LRRC4C: variants seen among roughly 807,000 people sequenced by gnomAD.
LRRC4C encodes leucine-rich repeat-containing protein 4C.
LRRC4C carries 5 observed loss-of-function variants against 33.6 expected under a neutral mutation model. That is an observed-to-expected ratio of 0.15 (90% CI 0.08 to 0.31). The LOEUF is 0.31. Ranked by LOEUF, LRRC4C falls within the 10% of genes least tolerant of loss-of-function variation. LRRC4C has a pLI of 1.00. For synonymous variants in LRRC4C, 329 were observed against 302.0 expected (o/e 1.09, Z -0.93); for missense variants, 560 against 796.7 (o/e 0.70, Z 3.58).
chr11:40,783,014 TACA>T (rs1950275163), intron 2 of LRRC4C, among the ~76,000 whole-genome samples: 1 of 152,152 alleles, frequency 6.6e-6, no homozygotes, highest in African/African-American at 2.4e-5. Context: ...TAGACATAAA[TACA>T]ACAATTTTGT....
chr11:41,070,867 A>G (rs1264853353), intron 1 of LRRC4C, among the ~76,000 whole-genome samples: 1 of 152,216 alleles, frequency 6.6e-6, no homozygotes, highest in Non-Finnish European at 1.5e-5. Context: ...ATCTAGAACC[A>G]GAAATACCAT....
At chr11:41,349,311 T>A (rs191296112) in intron 1 of LRRC4C, among the ~76,000 whole-genome samples, 8 of 152,312 alleles carry the variant, frequency 5.3e-5, no homozygotes, top group African/African-American at 1.9e-4. Flanking sequence ...CCAGCCACTT[T>A]GCTGGTGCAC....
chr11:40,606,078 A>T (rs1381283312), intron 3 of LRRC4C, among the ~76,000 whole-genome samples: 1 of 152,136 alleles, frequency 6.6e-6, no homozygotes, highest in African/African-American at 2.4e-5. Flanking sequence ...TCTCTCCCTC[A>T]TGGGGGTAAG....
At chr11:40,653,743 A>G (rs1454594047) in intron 2 of LRRC4C, among the ~76,000 whole-genome samples, 1 of 152,236 alleles carries the variant, frequency 6.6e-6, no homozygotes, top group East Asian at 1.9e-4. Flanking sequence ...ATAAGTAATG[A>G]GGAGCCAAAT....
intron 3 of LRRC4C, among the ~76,000 whole-genome samples, chr11:40,467,962 G>A (rs778320830): frequency 8.5e-5 from 13 of 152,140 alleles, no homozygotes; most frequent in Non-Finnish European, 1.5e-4. Context: ...GACCAGAAAT[G>A]ACAAGGCTGT....
intron 1 of LRRC4C, among the ~76,000 whole-genome samples, chr11:41,292,160 C>T (rs1338215573): frequency 2.6e-5 from 4 of 152,122 alleles, no homozygotes; most frequent in African/African-American, 9.7e-5. Context: ...TAGGTATCTC[C>T]ACCTCACTGA....
chr11:40,281,060 G>A (rs187471770), intron 4 of LRRC4C, among the ~76,000 whole-genome samples: 4 of 152,182 alleles, frequency 2.6e-5, no homozygotes, highest in South Asian at 2.1e-4. Flanking sequence ...AGGGATGGAT[G>A]CAGAGAGGGT....
rs368494858 is a variant in LRRC4C at position 41,097,049 on chromosome 11, A to G, written c.-495-163326T>C. On this transcript the variant is annotated intron_variant, in intron 1 of 6. Transcript: ENST00000528697. ...CTCAAGTTCCTACCCACTGAAGCAT[A>G]TTGCTTCTTTTTCCTAAGAGATGGG... Among the ~76,000 whole-genome samples the G allele has an allele frequency of 3.9e-5, 6 of 152,256 alleles. No individual in the cohort carries two copies. The South Asian group carries it at 1.2e-3, about 32-fold the overall frequency.
At chr11:40,358,960 C>T (rs76438712) in intron 3 of LRRC4C, among the ~76,000 whole-genome samples, 3,954 of 152,106 alleles carry the variant, frequency 0.026, 164 homozygotes, top group African/African-American at 0.089. Context: ...TCTTCCCAAA[C>T]AATCATAAAT....
chr11:41,035,204 C>CATAA (rs559701849), intron 1 of LRRC4C, among the ~76,000 whole-genome samples: 3,327 of 150,306 alleles, frequency 0.022, 91 homozygotes, highest in African/African-American at 0.059. Context: ...TAAATAAATA[C>CATAA]ATAAATAAAT....
intron 2 of LRRC4C, among the ~76,000 whole-genome samples, chr11:40,761,381 G>A (rs1260892515): frequency 2.6e-5 from 4 of 152,148 alleles, no homozygotes; most frequent in Non-Finnish European, 1.5e-5. Context: ...CTTGTTATGA[G>A]CTGTTTCACC....
rs577899492 is a variant in LRRC4C, at chr11:40,909,518, T to C, written c.-407+24117A>G. Among the ~76,000 whole-genome samples the C allele has an allele frequency of 1.2e-4, 19 of 152,258 alleles. No homozygotes were observed. In the South Asian group the frequency reaches 3.5e-3, roughly 28 times the overall value. ...ATGAAAATTTTCTAATGACAGTGTA[T>C]ACATTTAGGGTGGTATATTCACAGA... On this transcript the variant is annotated intron_variant, in intron 2 of 6. Transcript: ENST00000528697.
chr11:40,457,239 A>G (rs111789054), intron 3 of LRRC4C, among the ~76,000 whole-genome samples: 2 of 152,064 alleles, frequency 1.3e-5, no homozygotes, highest in African/African-American at 2.4e-5. Flanking sequence ...TTATAAAAAA[A>G]TTTAAAAATT....
intron 1 of LRRC4C, among the ~76,000 whole-genome samples, chr11:41,129,429 CATT>C (rs1397325776): frequency 6.6e-6 from 1 of 151,892 alleles, no homozygotes; most frequent in Non-Finnish European, 1.5e-5. Context: ...AATTTCTCTA[CATT>C]ATTTTAGAAA....
At chr11:41,166,989 C>A (rs529111639) in intron 1 of LRRC4C, among the ~76,000 whole-genome samples, 18 of 152,228 alleles carry the variant, frequency 1.2e-4, no homozygotes, top group African/African-American at 4.3e-4. Flanking sequence ...TGCTTATTGG[C>A]ATTAAATACT....
intron 1 of LRRC4C, among the ~76,000 whole-genome samples, chr11:40,960,113 A>G (rs1850873280): frequency 6.6e-6 from 1 of 151,446 alleles, no homozygotes. Context: ...AAGAGGGAAG[A>G]AAGAAAAAAG....
At chr11:40,784,995 C>T (rs781612917) in intron 2 of LRRC4C, among the ~76,000 whole-genome samples, 1 of 152,110 alleles carries the variant, frequency 6.6e-6, no homozygotes, top group Non-Finnish European at 1.5e-5. Flanking sequence ...AGAAAGAGAA[C>T]ATTTTAAAAA....
intron 1 of LRRC4C, among the ~76,000 whole-genome samples, chr11:41,022,579 G>GAA (rs200125249): frequency 6.6e-6 from 1 of 150,892 alleles, no homozygotes; most frequent in Non-Finnish European, 1.5e-5. Flanking sequence ...GTACCAGGAA[G>GAA]AAAAAAAAAT....
intron 1 of LRRC4C, among the ~76,000 whole-genome samples, chr11:41,353,474 A>T (rs1565606105): frequency 6.6e-6 from 1 of 152,152 alleles, no homozygotes; most frequent in Non-Finnish European, 1.5e-5. Flanking sequence ...TACTACTGAA[A>T]ATATTCCCAA....
Sources: gnomAD v4.1 joint callset for allele counts (sites outside exome capture counted in the v4.1 genomes callset) on GRCh38, gnomAD v4.1.1 for gene constraint, MANE v1.5 for transcripts, NCBI Gene and HGNC (gene_info 2026-07-23, HGNC 2026-07-21) for gene names.